RBFOX1: variants seen among roughly 807,000 people sequenced by gnomAD.
RBFOX1 encodes the protein RNA binding fox-1 homolog 1, also known as RNA binding protein fox-1 homolog 1.
Under a neutral mutation model 57.7 loss-of-function variants are expected in RBFOX1, and 8 were observed. The observed-to-expected ratio is 0.14, with a 90% CI of 0.08 to 0.25. The LOEUF (loss-of-function observed/expected upper bound fraction) is 0.25, where lower values mean the gene tolerates loss of function less well. Among genes scored for constraint, RBFOX1 ranks in the 10% least tolerant of loss-of-function variants. RBFOX1 has a pLI of 1.00. For synonymous variants in RBFOX1, 326 were observed against 222.4 expected (o/e 1.47, Z -4.15); for missense variants, 611 against 548.5 (o/e 1.11, Z -1.14).
intron 3 of RBFOX1, among the ~76,000 whole-genome samples, chr16:7,031,599 T>A (rs1215162985): frequency 6.9e-6 from 1 of 145,288 alleles, no homozygotes; most frequent in African/African-American, 2.5e-5. Context: ...AGACCCTGCC[T>A]AAAAAAAAAA....
chr16:6,929,334 C>G (rs924471888), intron 3 of RBFOX1, among the ~76,000 whole-genome samples: 5 of 152,022 alleles, frequency 3.3e-5, no homozygotes, highest in Non-Finnish European at 7.4e-5. Context: ...TTTTTTCATT[C>G]ATAATGTGAA....
intron 12 of RBFOX1, among the ~76,000 whole-genome samples, chr16:7,660,274 C>T (rs561040024): frequency 8.5e-5 from 13 of 152,172 alleles, no homozygotes; most frequent in Non-Finnish European, 1.8e-4. Context: ...CTTGCAAAAG[C>T]ACATTGAGTC....
intron 11 of RBFOX1, among the ~76,000 whole-genome samples, chr16:7,636,018 G>C (rs1042874857): frequency 6.6e-6 from 1 of 152,180 alleles, no homozygotes; most frequent in Non-Finnish European, 1.5e-5. Context: ...TCACGTGTTA[G>C]CCAGGATGAT....
chr16:5,443,995 T>C (rs1041549640), intron 1 of RBFOX1, among the ~76,000 whole-genome samples: 1 of 152,174 alleles, frequency 6.6e-6, no homozygotes, highest in Non-Finnish European at 1.5e-5. Context: ...CATCTTGTAA[T>C]ACGTTAATAG....
chr16:7,499,732 C>T (rs893735479), intron 4 of RBFOX1, among the ~76,000 whole-genome samples: 1 of 152,038 alleles, frequency 6.6e-6, no homozygotes, highest in African/African-American at 2.4e-5. Context: ...TATATTAAGG[C>T]TTTCATTTGG....
At chr16:6,265,852 C>A (rs2074417827) in intron 1 of RBFOX1, among the ~76,000 whole-genome samples, 2 of 152,094 alleles carry the variant, frequency 1.3e-5, no homozygotes, top group Admixed American at 1.3e-4. Context: ...CTTCTTGCTC[C>A]CTCTCCTCCT....
At chr16:6,982,264 C>T (rs1417158844) in intron 3 of RBFOX1, among the ~76,000 whole-genome samples, 1 of 152,276 alleles carries the variant, frequency 6.6e-6, no homozygotes, top group East Asian at 1.9e-4. Flanking sequence ...ATTTGAAAAC[C>T]CTTTTCCAGG....
chr16:5,300,221 T>G (rs1596452210), intron 1 of RBFOX1, among the ~76,000 whole-genome samples: 1 of 152,236 alleles, frequency 6.6e-6, no homozygotes, highest in Non-Finnish European at 1.5e-5. Flanking sequence ...TTATTAAAGA[T>G]TTTTGCATTA....
intron 4 of RBFOX1, among the ~76,000 whole-genome samples, chr16:7,303,760 G>T (rs1014028835): frequency 1.6e-4 from 23 of 139,964 alleles, no homozygotes; most frequent in East Asian, 4.3e-4. Flanking sequence ...CCTCCCTCTC[G>T]CTCTCTCTCT....
intron 1 of RBFOX1, among the ~76,000 whole-genome samples, chr16:6,217,217 C>T (rs907005041): frequency 8.9e-6 from 1 of 112,074 alleles, no homozygotes; most frequent in Non-Finnish European, 1.7e-5. Flanking sequence ...AATCTAGAAG[C>T]AAATGTTATT....
At chr16:6,918,481 A>G (rs1292386694) in intron 3 of RBFOX1, among the ~76,000 whole-genome samples, 2 of 152,130 alleles carry the variant, frequency 1.3e-5, no homozygotes, top group Admixed American at 6.5e-5. Context: ...AATCAAATTA[A>G]TTGTTAATTA....
intron 2 of RBFOX1, among the ~76,000 whole-genome samples, chr16:6,581,174 C>T (rs2153973452): frequency 6.6e-6 from 1 of 152,242 alleles, no homozygotes; most frequent in East Asian, 1.9e-4. Flanking sequence ...CTGCGCCACG[C>T]CCACCCCTAA....
At chr16:5,314,950 C>A (rs567699457) in intron 1 of RBFOX1, among the ~76,000 whole-genome samples, 22 of 151,942 alleles carry the variant, frequency 1.4e-4, no homozygotes, top group Non-Finnish European at 2.6e-4. Flanking sequence ...GGAAAGGAGC[C>A]CACAAAAGTG....
At chr16:6,759,399 C>A (rs766673257) in intron 3 of RBFOX1, among the ~76,000 whole-genome samples, 19 of 151,744 alleles carry the variant, frequency 1.3e-4, no homozygotes, top group Non-Finnish European at 2.4e-4. Context: ...GATCTGCCTG[C>A]CTCAGCCTCC....
intron 3 of RBFOX1, among the ~76,000 whole-genome samples, chr16:5,671,994 T>C (rs1281154811): frequency 6.6e-6 from 1 of 152,186 alleles, no homozygotes; most frequent in Non-Finnish European, 1.5e-5. Context: ...TCCTATGTTC[T>C]TCAGGTAACC....
chr16:7,237,579 G>C (rs1317502), intron 4 of RBFOX1, among the ~76,000 whole-genome samples: 5,172 of 152,290 alleles, frequency 0.034, 263 homozygotes, highest in African/African-American at 0.12. Flanking sequence ...GGCTTCCTAT[G>C]TCAACTCTGC....
At chr16:5,433,871 C>T (rs1358550713) in intron 1 of RBFOX1, among the ~76,000 whole-genome samples, 3 of 152,106 alleles carry the variant, frequency 2.0e-5, no homozygotes, top group South Asian at 2.1e-4. Context: ...GGATGGAAAA[C>T]GTAGGAGACC....
Position 5,758,094 on chromosome 16 carries a change from G to T in RBFOX1, c.319-109209G>T, listed in dbSNP as rs550955578. ...TTGGGTGATACAGAATTCTGAGGCT[G>T]ACCACCCATATGTGTGGGGGCACAG... is the stretch of plus-strand genomic sequence containing the variant. On this transcript the variant is annotated intron_variant, in intron 3 of 19. Coordinates refer to the RBFOX1 transcript ENST00000641259. Among the ~76,000 whole-genome samples the T allele has an allele frequency of 5.3e-4, 80 of 152,286 alleles. 2 individuals are homozygous for T. The highest frequency in any genetic ancestry group is 6.0e-4 in the Non-Finnish European group (41 of 68,006).
At chr16:7,307,899 G>C (rs1295077067) in intron 4 of RBFOX1, among the ~76,000 whole-genome samples, 1 of 152,180 alleles carries the variant, frequency 6.6e-6, no homozygotes. Flanking sequence ...GTGGCTTCAT[G>C]CTGTGTCTTC....
Sources: gnomAD v4.1 joint callset for allele counts (sites outside exome capture counted in the v4.1 genomes callset) on GRCh38, gnomAD v4.1.1 for gene constraint, MANE v1.5 for transcripts, NCBI Gene and HGNC (gene_info 2026-07-23, HGNC 2026-07-21) for gene names.